Variants in CEP350 observed in about 807,000 individuals in gnomAD.
The protein encoded by CEP350 is centrosome-associated protein 350.
CEP350 carries 126 observed loss-of-function variants against 331.8 expected under a neutral mutation model. That is an observed-to-expected ratio of 0.38 (90% CI 0.33 to 0.44). The LOEUF (loss-of-function observed/expected upper bound fraction) is 0.44, where lower values mean the gene tolerates loss of function less well. Among genes scored for constraint, CEP350 ranks in the 20% least tolerant of loss-of-function variants. The pLI is 1.00. For synonymous variants in CEP350, 1,200 were observed against 1,259.5 expected, an observed-to-expected ratio of 0.95 and a Z score of 1.00; for missense variants, 3,406 against 3,634.6, an observed-to-expected ratio of 0.94 and a Z score of 1.62.
rs956685830 is a variant in CEP350 at position 180,114,001 on chromosome 1, A to G, written c.*2840A>G. ...TCTTCAGGTCTACACAGGAATTTTT[A>G]CCATAGGGAAAAGTGGGGAGAGCTC... On this transcript the variant is annotated 3_prime_UTR_variant, in exon 38 of 38. Transcript: ENST00000367607. The G allele has an allele frequency of 1.3e-5, 2 of 152,622 alleles. No homozygotes were observed. The highest frequency in any genetic ancestry group is 2.9e-5 in the Non-Finnish European group (2 of 68,028). The allele number at this position is 152,622 out of a possible 1,614,324, so 9.5% of individuals were successfully genotyped here.
intron 1 of CEP350, among the ~76,000 whole-genome samples, chr1:179,975,641 T>G (rs912464580): frequency 2.6e-5 from 4 of 152,084 alleles, no homozygotes; most frequent in Non-Finnish European, 4.4e-5. Flanking sequence ...GTGGGAGAGA[T>G]AGGAATGTCA....
chr1:180,057,257 C>T (rs879709054), intron 25 of CEP350, among the ~76,000 whole-genome samples: 2 of 152,112 alleles, frequency 1.3e-5, no homozygotes, highest in Non-Finnish European at 2.9e-5. Flanking sequence ...TGCCACCACA[C>T]CCAGCTAATT....
intron 32 of CEP350, among the ~76,000 whole-genome samples, chr1:180,088,038 T>C (rs1175349842): frequency 6.6e-6 from 1 of 152,118 alleles, no homozygotes; most frequent in Non-Finnish European, 1.5e-5. Context: ...AAGTCAAAAA[T>C]AAGTCTGTAA....
chr1:180,090,786 T>C lies in CEP350; in HGVS notation c.6498T>C (p.Ala2166=). The C allele has an allele frequency of 1.3e-6, 2 of 1,541,462 alleles. No homozygotes were observed. The highest frequency in any genetic ancestry group is 1.8e-6 in the Non-Finnish European group (2 of 1,141,322). The change falls in exon 33 of 38, where the codon GCT becomes GCC. Residue 2166 remains alanine, a synonymous_variant. Coordinates refer to ENST00000367607, the MANE Select transcript of CEP350 (RefSeq NM_014810.5). ...CCAGAGGATCCCTGGAGTCTATTGC[T>C]GAACATGTTGGTATGTAACTAGAAA... ...ERSRGSLESI[A]EHVDASLSGS...
At chr1:180,100,110 G>A (rs963460635) in intron 37 of CEP350, among the ~76,000 whole-genome samples, 1 of 152,062 alleles carries the variant, frequency 6.6e-6, no homozygotes, top group South Asian at 2.1e-4. Context: ...TGATCCTCAC[G>A]ATAATTACAT....
intron 28 of CEP350, among the ~76,000 whole-genome samples, chr1:180,075,557 G>A (rs956832139): frequency 3.0e-4 from 45 of 152,146 alleles, no homozygotes; most frequent in African/African-American, 1.0e-3. Context: ...GTGACAGAGT[G>A]AGACTCTGTC....
chr1:179,996,126 T>G, intron 5 of CEP350, among the ~76,000 whole-genome samples: 1 of 152,212 alleles, frequency 6.6e-6, no homozygotes, highest in Admixed American at 6.5e-5. Context: ...AGATTGTTAT[T>G]TAGATTATTT....
intron 36 of CEP350, among the ~76,000 whole-genome samples, chr1:180,096,562 T>C (rs1236223469): frequency 1.3e-5 from 2 of 152,220 alleles, no homozygotes; most frequent in African/African-American, 2.4e-5. Flanking sequence ...GTTCTAAAAG[T>C]ACATATGAAT....
intron 25 of CEP350, among the ~76,000 whole-genome samples, chr1:180,056,146 A>T (rs1657826915): frequency 6.6e-6 from 1 of 152,010 alleles, no homozygotes; most frequent in South Asian, 2.1e-4. Flanking sequence ...TTGAAAATGT[A>T]TTTGTTTCAC....
Position 180,082,693 on chromosome 1 carries a change from C to G in CEP350, c.6125-1325C>G, listed in dbSNP as rs1014020960. 3.9e-5 allele frequency among the ~76,000 whole-genome samples: 6 copies of G among 152,236 alleles called. 1 individual carries two copies. Among genetic ancestry groups the G allele is most frequent in the Non-Finnish European group, 5.9e-5 (4 of 68,020 alleles). ...TCTAAAAACCCCAGGTTTTTCATCA[C>G]CTGCTATTAAATCTTCAACCATAGA... On this transcript the variant is annotated intron_variant, in intron 30 of 37. Coordinates refer to ENST00000367607, the MANE Select transcript of CEP350 (RefSeq NM_014810.5).
chr1:179,967,654 G>A (rs1371432414), intron 1 of CEP350, among the ~76,000 whole-genome samples: 2 of 151,968 alleles, frequency 1.3e-5, no homozygotes, highest in Non-Finnish European at 2.9e-5. Context: ...CCAGGTGATC[G>A]CCCACCTCGG....
chr1:179,964,585 A>G (rs753501754), intron 1 of CEP350, among the ~76,000 whole-genome samples: 33 of 152,052 alleles, frequency 2.2e-4, no homozygotes, highest in Non-Finnish European at 2.5e-4. Context: ...TCAGGATTTC[A>G]GTTTCTTCCT....
intron 8 of CEP350, among the ~76,000 whole-genome samples, chr1:180,011,116 CAT>C (rs1293452499): frequency 6.3e-4 from 95 of 151,830 alleles, no homozygotes; most frequent in Non-Finnish European, 7.4e-5. Context: ...TTTATTGAAA[CAT>C]TTTTTTGAAT....
chr1:179,982,003 A>G (rs906458891), intron 1 of CEP350, among the ~76,000 whole-genome samples: 2 of 152,170 alleles, frequency 1.3e-5, no homozygotes, highest in Non-Finnish European at 2.9e-5. Context: ...TTGTCTCTTA[A>G]AAAAGCCTCA....
intron 22 of CEP350, among the ~76,000 whole-genome samples, chr1:180,050,254 A>C (rs375529335): frequency 6.6e-6 from 1 of 152,346 alleles, no homozygotes; most frequent in African/African-American, 2.4e-5. Flanking sequence ...TAAAACTTCT[A>C]TTTTGTGAAA....
chr1:180,073,163 T>C (rs1659008853), intron 27 of CEP350, among the ~76,000 whole-genome samples: 2 of 152,150 alleles, frequency 1.3e-5, no homozygotes. Flanking sequence ...GAATGGATAG[T>C]GTATTTCAAT....
intron 17 of CEP350, among the ~76,000 whole-genome samples, chr1:180,037,787 CTA>C (rs774421148): frequency 3.2e-4 from 49 of 152,134 alleles, no homozygotes; most frequent in South Asian, 1.2e-3. Context: ...GTAGCTGGGA[CTA>C]CAGGTGCCCG....
intron 22 of CEP350, among the ~76,000 whole-genome samples, chr1:180,049,157 G>A (rs749450656): frequency 6.6e-5 from 10 of 152,084 alleles, no homozygotes; most frequent in Non-Finnish European, 1.3e-4. Context: ...TGATGTATTT[G>A]GATATTTAGC....
rs1045295467 is a variant in CEP350 at position 180,114,141 on chromosome 1, A to C, written c.*2980A>C. On this transcript the variant is annotated 3_prime_UTR_variant, in exon 38 of 38. Coordinates refer to ENST00000367607, the MANE Select transcript of CEP350 (RefSeq NM_014810.5). ...TCTTTCAAAAGAGATTTCATTGCTCATAAGAGTGTTGTGGCCTATTGATAA... is the reference window on the plus strand; with the variant it reads ...TCTTTCAAAAGAGATTTCATTGCTCCTAAGAGTGTTGTGGCCTATTGATAA... 7 of 152,648 alleles carry C rather than the reference A, an allele frequency of 4.6e-5. No homozygotes were observed. Among genetic ancestry groups the C allele is most frequent in the Admixed American group, 3.9e-4 (6 of 15,272 alleles). 9.5% of individuals were successfully genotyped at this position (152,648 alleles called of 1,614,324 possible). A position where few individuals can be genotyped will look rare whatever the true frequency, so the allele number is the denominator to read the frequency against.
Sources: allele counts gnomAD v4.1 joint callset (sites outside exome capture counted in the v4.1 genomes callset), GRCh38; gene constraint gnomAD v4.1.1; transcripts MANE v1.5; gene names NCBI Gene and HGNC (gene_info 2026-07-23, HGNC 2026-07-21).